NTRK3: variants seen among roughly 807,000 people sequenced by gnomAD.
The protein encoded by NTRK3 is NT-3 growth factor receptor.
Under a neutral mutation model 91.7 loss-of-function variants are expected in NTRK3, and 24 were observed. The observed-to-expected ratio is 0.26, with a 90% CI of 0.19 to 0.37. The LOEUF is 0.37. Among genes scored for constraint, NTRK3 ranks in the 10% least tolerant of loss-of-function variants. The probability of loss-of-function intolerance (pLI) is 1.00; values close to 1 mark genes in which losing one functional copy is unlikely to be tolerated. For synonymous variants in NTRK3, 483 were observed against 404.0 expected (o/e 1.20, Z -2.34); for missense variants, 880 against 1,068.9 (o/e 0.82, Z 2.46).
intron 17 of NTRK3, among the ~76,000 whole-genome samples, chr15:87,891,128 G>C (rs915364716): frequency 6.6e-6 from 1 of 151,978 alleles, no homozygotes; most frequent in Non-Finnish European, 1.5e-5. Flanking sequence ...ATTAGAGAGA[G>C]TTTCAAAATA....
intron 13 of NTRK3, among the ~76,000 whole-genome samples, chr15:88,047,064 T>C (rs2080279703): frequency 6.6e-6 from 1 of 152,174 alleles, no homozygotes. Context: ...CCATGTACTC[T>C]AAGCCCCTTC....
At chr15:87,948,098 A>G (rs2142088232) in intron 14 of NTRK3, among the ~76,000 whole-genome samples, 1 of 152,340 alleles carries the variant, frequency 6.6e-6, no homozygotes, top group South Asian at 2.1e-4. Context: ...AGCTAATTGC[A>G]TAAGGTATTG....
intron 13 of NTRK3, among the ~76,000 whole-genome samples, chr15:88,035,599 C>T (rs562425747): frequency 6.6e-5 from 10 of 152,318 alleles, no homozygotes; most frequent in South Asian, 2.1e-4. Context: ...GCCCTACCCA[C>T]GCACACAAGG....
chr15:88,083,242 C>T (rs1384404553), intron 13 of NTRK3, among the ~76,000 whole-genome samples: 1 of 152,086 alleles, frequency 6.6e-6, no homozygotes, highest in Non-Finnish European at 1.5e-5. Context: ...GGGAGGGAGA[C>T]AGAGTCTCCC....
chr15:88,096,438 C>G, intron 13 of NTRK3, among the ~76,000 whole-genome samples: 1 of 152,192 alleles, frequency 6.6e-6, no homozygotes, highest in Non-Finnish European at 1.5e-5. Context: ...CACCATGACA[C>G]AGGCCCAGAG....
At chr15:88,009,753 A>G (rs2076742832) in intron 14 of NTRK3, among the ~76,000 whole-genome samples, 1 of 152,174 alleles carries the variant, frequency 6.6e-6, no homozygotes, top group Non-Finnish European at 1.5e-5. Flanking sequence ...CTGGAGCTGG[A>G]GTTGAAACTC....
chr15:88,080,014 C>T (rs1450711052), intron 13 of NTRK3, among the ~76,000 whole-genome samples: 1 of 152,022 alleles, frequency 6.6e-6, no homozygotes, highest in East Asian at 1.9e-4. Context: ...AAATATTTTT[C>T]ATGTCTTTAC....
At chr15:87,879,156 A>G (rs192826248) in intron 18 of NTRK3, among the ~76,000 whole-genome samples, 1 of 152,260 alleles carries the variant, frequency 6.6e-6, no homozygotes, top group African/African-American at 2.4e-5. Flanking sequence ...AGTCTTTGTA[A>G]TTCACTTAAT....
chr15:87,941,575 A>G (rs188625452), intron 14 of NTRK3, among the ~76,000 whole-genome samples: 44 of 152,276 alleles, frequency 2.9e-4, no homozygotes, highest in Admixed American at 2.9e-3. Flanking sequence ...AGAGACTACT[A>G]ACGGGTAGCT....
intron 3 of NTRK3, among the ~76,000 whole-genome samples, chr15:88,199,160 T>C (rs1237073713): frequency 6.6e-6 from 1 of 152,152 alleles, no homozygotes; most frequent in African/African-American, 2.4e-5. Context: ...GACTGGAATA[T>C]TGGGCATCAT....
chr15:88,006,214 T>C (rs1260681315), intron 14 of NTRK3, among the ~76,000 whole-genome samples: 3 of 152,140 alleles, frequency 2.0e-5, no homozygotes, highest in Non-Finnish European at 2.9e-5. Context: ...TCCCACAACC[T>C]CTCATAATTA....
chr15:87,966,074 TCAAACAAACAAACAAACAAACAAA>T (rs3028147), intron 14 of NTRK3, among the ~76,000 whole-genome samples: 1 of 148,456 alleles, frequency 6.7e-6, no homozygotes, highest in Non-Finnish European at 1.5e-5. Flanking sequence ...CAAAACTGTC[TCAAACAAACAAACAAACAAACAAA>T]CAAACAAACA....
intron 17 of NTRK3, among the ~76,000 whole-genome samples, chr15:87,925,297 A>G (rs1490562170): frequency 6.6e-6 from 1 of 152,200 alleles, no homozygotes; most frequent in Non-Finnish European, 1.5e-5. Context: ...TATACCACTT[A>G]TGTATGAGCC....
chr15:88,133,234 C>T (rs2041543762), intron 10 of NTRK3, among the ~76,000 whole-genome samples: 1 of 152,144 alleles, frequency 6.6e-6, no homozygotes, highest in Admixed American at 6.5e-5. Context: ...GAAGGGGCTG[C>T]TGCATCTCGT....
At chr15:87,992,502 G>A (rs545862531) in intron 14 of NTRK3, among the ~76,000 whole-genome samples, 32 of 152,220 alleles carry the variant, frequency 2.1e-4, no homozygotes, top group African/African-American at 7.2e-4. Context: ...TGTTTCAGAC[G>A]CATACACTAC....
chr15:88,148,889 G>A (rs537053372), intron 5 of NTRK3, among the ~76,000 whole-genome samples: 1 of 152,202 alleles, frequency 6.6e-6, no homozygotes, highest in South Asian at 2.1e-4. Flanking sequence ...ATTTCTATTG[G>A]ATTGGATTTT....
intron 3 of NTRK3, among the ~76,000 whole-genome samples, chr15:88,195,573 G>A (rs1597884254): frequency 1.3e-5 from 2 of 152,364 alleles, no homozygotes; most frequent in East Asian, 3.9e-4. Flanking sequence ...TGGGGTCAGA[G>A]GGGTGGAACC....
At chr15:88,203,625 T>A (rs543359013) in intron 3 of NTRK3, among the ~76,000 whole-genome samples, 2 of 152,208 alleles carry the variant, frequency 1.3e-5, no homozygotes, top group South Asian at 4.1e-4. Flanking sequence ...TAATGTTCAA[T>A]AGATCAGTAG....
chr15:88,166,555 G>T (rs150916104), intron 5 of NTRK3, among the ~76,000 whole-genome samples: 487 of 152,338 alleles, frequency 3.2e-3, no homozygotes, highest in Non-Finnish European at 5.0e-3. Flanking sequence ...TCTGGCCATG[G>T]TGCTGAACCC....
Sources: allele counts gnomAD v4.1 joint callset (sites outside exome capture counted in the v4.1 genomes callset), GRCh38; gene constraint gnomAD v4.1.1; transcripts MANE v1.5; gene names NCBI Gene and HGNC (gene_info 2026-07-23, HGNC 2026-07-21).